DDX60L: variants seen among roughly 807,000 people sequenced by gnomAD.
DDX60L encodes the protein probable ATP-dependent RNA helicase DDX60-like.
DDX60L carries 191 observed loss-of-function variants against 211.6 expected under a neutral mutation model. The ratio of observed to expected loss-of-function variants is 0.90; its 90% CI spans 0.80 to 1.02. The LOEUF (loss-of-function observed/expected upper bound fraction) is 1.02. DDX60L is among the 50% of genes least tolerant of loss of function. DDX60L has a pLI of 0.00. For missense variants in DDX60L, 2,007 were observed against 1,984.1 expected (o/e 1.01, Z -0.22); for synonymous variants, 706 against 694.1 (o/e 1.02, Z -0.27).
At chr4:168,426,631 C>T (rs1441116795) in intron 14 of DDX60L, among the ~76,000 whole-genome samples, 2 of 152,146 alleles carry the variant, frequency 1.3e-5, no homozygotes, top group African/African-American at 4.8e-5. Context: ...GGAAGTGAAC[C>T]TGTCAATGCT....
intron 25 of DDX60L, 34 bp from the exon 26 acceptor site, chr4:168,401,012 C>T: frequency 6.3e-7 from 1 of 1,591,196 alleles, no homozygotes; most frequent in Non-Finnish European, 8.6e-7. Context: ...TTTGAAAAGA[C>T]TATGTTTCTA....
chr4:168,471,858 C>T lies in DDX60L; in HGVS notation c.153G>A (p.Leu51=), dbSNP rs777588630. The T allele has an allele frequency of 1.4e-5, 23 of 1,613,368 alleles. No individual in the cohort carries two copies. In the African/African-American group the frequency reaches 2.0e-4, roughly 14 times the overall value. Residue 51 remains leucine (L), a synonymous_variant, in exon 4 of 38, where the codon CTG becomes CTA. Coordinates refer to ENST00000682922, the MANE Select transcript of DDX60L (RefSeq NM_001012967.3). ...IDGDSLLVTC[L]GVKSFKWGQN... is the part of the protein sequence containing the mutation. ...GTCCCCACTTGAATGATTTTACACC[C>T]AGGCATGTGACAAGCAAGGAATCTC... is the stretch of plus-strand genomic sequence containing the variant.
At chr4:168,411,815 C>G (rs556074738) in intron 22 of DDX60L, among the ~76,000 whole-genome samples, 1 of 151,964 alleles carries the variant, frequency 6.6e-6, no homozygotes, top group Non-Finnish European at 1.5e-5. Context: ...CAGTGCAGCT[C>G]GCAGCTCTGA....
rs556560765 is a variant in DDX60L at position 168,369,034 on chromosome 4, T to C, written c.4928+2578A>G. Among the ~76,000 whole-genome samples the C allele has an allele frequency of 2.6e-5, 4 of 152,326 alleles. No homozygotes were observed. The East Asian group carries it at 7.7e-4, about 29-fold the overall frequency. On this transcript the variant is annotated intron_variant, in intron 36 of 37. Transcript: ENST00000682922. Reference sequence around the variant, plus strand: ...GTAGACTTTTGAGTTAATGCTGAAATGAGTTAAGACTCTGGGGGACTGCTG... The same window carrying C: ...GTAGACTTTTGAGTTAATGCTGAAACGAGTTAAGACTCTGGGGGACTGCTG...
chr4:168,378,501 A>T, intron 32 of DDX60L, 26 bp from the exon 33 acceptor site: 1 of 1,479,926 alleles, frequency 6.8e-7, no homozygotes, highest in Non-Finnish European at 9.1e-7. Context: ...GCATTATTAT[A>T]AATAAGAATA....
At chr4:168,417,310 G>C (rs1371458395) in intron 19 of DDX60L, among the ~76,000 whole-genome samples, 1 of 152,090 alleles carries the variant, frequency 6.6e-6, no homozygotes, top group African/African-American at 2.4e-5. Context: ...CCCCATCTCA[G>C]GCCACTTTCC....
At chr4:168,368,169 T>G (rs1740312500) in intron 36 of DDX60L, among the ~76,000 whole-genome samples, 2 of 152,200 alleles carry the variant, frequency 1.3e-5, no homozygotes, top group South Asian at 4.1e-4. Context: ...GACCCTCCCA[T>G]CAGAGGTCTG....
rs752653516 is a variant in DDX60L, at chr4:168,433,092, T to G, written c.1318A>C (p.Ser440Arg). 7 of 1,606,568 alleles carry G rather than the reference T, an allele frequency of 4.4e-6. No individual in the cohort carries two copies. The highest frequency in any genetic ancestry group is 6.0e-6 in the Non-Finnish European group (7 of 1,175,740). The change falls in exon 11 of 38, where the codon AGT becomes CGT. Residue 440 changes from serine (S) to arginine (R), a missense_variant. Transcript: ENST00000682922. Reference sequence around the variant, plus strand: ...GATGTCATTGGAATAAAGCCCACACTAGGCATCTTTTCCAAGGAGATTTCT... The same window carrying G: ...GATGTCATTGGAATAAAGCCCACACGAGGCATCTTTTCCAAGGAGATTTCT... ...IQEISLEKMP[S>R]VGFIPMTSAV... is the part of the protein sequence containing the mutation.
intron 26 of DDX60L, among the ~76,000 whole-genome samples, chr4:168,399,968 T>C (rs1746503881): frequency 6.6e-6 from 1 of 152,216 alleles, no homozygotes; most frequent in South Asian, 2.1e-4. Flanking sequence ...GTATTAAGCC[T>C]AGTGCCTATT....
At chr4:168,419,634 A>G (rs1750151044) in intron 18 of DDX60L, among the ~76,000 whole-genome samples, 1 of 152,224 alleles carries the variant, frequency 6.6e-6, no homozygotes, top group African/African-American at 2.4e-5. Context: ...TTAAATGTCT[A>G]CTTTGTGAAT....
intron 29 of DDX60L, among the ~76,000 whole-genome samples, chr4:168,387,136 G>T (rs765646282): frequency 4.6e-5 from 7 of 152,196 alleles, no homozygotes; most frequent in Non-Finnish European, 8.8e-5. Context: ...TGGCTGAGGT[G>T]CTCAAAGGTA....
At chr4:168,375,590 A>G (rs1376960569) in intron 33 of DDX60L, 66 bp from the exon 34 acceptor site, 20 of 1,411,952 alleles carry the variant, frequency 1.4e-5, no homozygotes, top group Non-Finnish European at 1.9e-6. Context: ...CTGCTTGGTG[A>G]TAAGATTGCA....
intron 1 of DDX60L, among the ~76,000 whole-genome samples, chr4:168,479,614 G>A (rs539941618): frequency 6.6e-6 from 1 of 152,208 alleles, no homozygotes; most frequent in Non-Finnish European, 1.5e-5. Flanking sequence ...CAAAAGAGAA[G>A]CGGGAAAAAA....
intron 36 of DDX60L, among the ~76,000 whole-genome samples, chr4:168,365,638 A>G (rs977032967): frequency 9.9e-5 from 15 of 152,068 alleles, no homozygotes; most frequent in African/African-American, 3.6e-4. Context: ...TATTAAGGGA[A>G]TTTAAGAGGA....
At chr4:168,420,457 TACACATACACACACACACACACACACAC>T in intron 17 of DDX60L, 77 bp from the exon 18 acceptor site, 5 of 815,836 alleles carry the variant, frequency 6.1e-6, no homozygotes, top group Non-Finnish European at 9.2e-6. Flanking sequence ...ACCGAATCCA[TACACATACACACACACACACACACACAC>T]ACACACACAC....
In DDX60L at chr4:168,432,256, G is replaced by GTA. The variant is rs372165789; in HGVS notation, c.1516+197_1516+198dup. On this transcript the variant is annotated intron_variant, in intron 12 of 37. Coordinates refer to ENST00000682922, the MANE Select transcript of DDX60L (RefSeq NM_001012967.3). Reference sequence around the variant, plus strand: ...ATATATATATATTGTGTGTGTGTGTGTATATATATATACACACATATATGT... The same window carrying GTA: ...ATATATATATATTGTGTGTGTGTGTGTATATATATATATACACACATATATGT... Among the ~76,000 whole-genome samples the GTA allele has an allele frequency of 7.8e-3, 1,140 of 147,078 alleles. 16 individuals are homozygous for GTA. The highest frequency in any genetic ancestry group is 0.027 in the African/African-American group (1,106 of 40,238).
chr4:168,455,035 TA>T (rs1756343697), intron 7 of DDX60L, among the ~76,000 whole-genome samples: 1 of 152,034 alleles, frequency 6.6e-6, no homozygotes, highest in Admixed American at 6.6e-5. Flanking sequence ...TCTCCAAATA[TA>T]TTTATTTTTG....
intron 7 of DDX60L, among the ~76,000 whole-genome samples, chr4:168,455,611 A>G (rs1403812693): frequency 6.6e-6 from 1 of 152,082 alleles, no homozygotes; most frequent in Non-Finnish European, 1.5e-5. Flanking sequence ...TGCTATACTG[A>G]AAAGTTGTAA....
intron 4 of DDX60L, among the ~76,000 whole-genome samples, chr4:168,464,298 T>C (rs980618894): frequency 6.6e-6 from 1 of 152,168 alleles, no homozygotes; most frequent in African/African-American, 2.4e-5. Flanking sequence ...ATGTTTAAAT[T>C]ATTGAAATTA....
Sources: gnomAD v4.1 joint callset for allele counts (sites outside exome capture counted in the v4.1 genomes callset) on GRCh38, gnomAD v4.1.1 for gene constraint, MANE v1.5 for transcripts, NCBI Gene and HGNC (gene_info 2026-07-23, HGNC 2026-07-21) for gene names.